Variants in IL34 observed in about 807,000 individuals in gnomAD.
IL34 encodes interleukin-34.
IL34 carries 17 observed loss-of-function variants against 25.3 expected under a neutral mutation model. The observed-to-expected ratio is 0.67, with a 90% CI of 0.46 to 1.01. The LOEUF (loss-of-function observed/expected upper bound fraction) is 1.01, where lower values mean the gene tolerates loss of function less well. IL34 is among the 50% of genes least tolerant of loss of function. The probability of loss-of-function intolerance (pLI) is 0.00; values close to 1 mark genes in which losing one functional copy is unlikely to be tolerated. For synonymous variants in IL34, 174 were observed against 140.9 expected, an observed-to-expected ratio of 1.23 and a Z score of -1.66; for missense variants, 368 against 312.9, an observed-to-expected ratio of 1.18 and a Z score of -1.33.
In IL34 at chr16:70,660,359, G is replaced by A. The variant is rs2052375540; in HGVS notation, c.*172G>A. The A allele has an allele frequency of 1.5e-5, 9 of 592,022 alleles. No individual in the cohort carries two copies. Among genetic ancestry groups the A allele is most frequent in the East Asian group, 3.0e-5 (1 of 32,816 alleles). The allele number at this position is 592,022 out of a possible 1,614,324, so 36.7% of individuals were successfully genotyped here. On this transcript the variant is annotated 3_prime_UTR_variant, in exon 6 of 6. Coordinates refer to ENST00000288098, the MANE Select transcript of IL34 (RefSeq NM_001393494.1). ...GTGCCACAGCAGGGCTCAGCTTCCT[G>A]CCTTCCATAGCTGTCATGGCCTCAC... is the stretch of plus-strand genomic sequence containing the variant.
Position 70,635,288 on chromosome 16 carries a change from T to C in IL34, c.-400-11260T>C, listed in dbSNP as rs1265142735. 2.6e-5 allele frequency among the ~76,000 whole-genome samples: 4 copies of C among 152,240 alleles called. No individual in the cohort carries two copies. In the South Asian group the frequency reaches 6.2e-4, roughly 24 times the overall value. On this transcript the variant is annotated intron_variant, in intron 1 of 6. Transcript: ENST00000429149. Reference sequence around the variant, plus strand: ...GGCGACAGATATTTTCTTTGCTCCATAGAGGGGATAACCCCTCTGCAGAGG... The same window carrying C: ...GGCGACAGATATTTTCTTTGCTCCACAGAGGGGATAACCCCTCTGCAGAGG...
intron 1 of IL34, among the ~76,000 whole-genome samples, chr16:70,628,938 C>T (rs992826464): frequency 1.3e-5 from 2 of 151,978 alleles, no homozygotes; most frequent in Non-Finnish European, 2.9e-5. Context: ...CAAGCATGTA[C>T]CATTGTGTCC....
At chr16:70,656,487 C>A in intron 2 of IL34, 115 bp from the exon 3 acceptor site, 1 of 751,704 alleles carries the variant, frequency 1.3e-6, no homozygotes, top group South Asian at 1.5e-5. Context: ...CCCCTGCACT[C>A]CATACTGGGT....
intron 1 of IL34, among the ~76,000 whole-genome samples, chr16:70,600,368 T>C (rs969285918): frequency 3.3e-5 from 5 of 152,146 alleles, no homozygotes; most frequent in Admixed American, 1.3e-4. Context: ...GCCTTGAAGA[T>C]CATCAACTAC....
chr16:70,625,360 T>G (rs1281078350), intron 1 of IL34, among the ~76,000 whole-genome samples: 2 of 151,890 alleles, frequency 1.3e-5, no homozygotes, highest in Non-Finnish European at 2.9e-5. Flanking sequence ...AAATAAGGGA[T>G]TGGGGCACAG....
chr16:70,590,722 C>T (rs2050744033), intron 1 of IL34, among the ~76,000 whole-genome samples: 1 of 152,162 alleles, frequency 6.6e-6, no homozygotes, highest in African/African-American at 2.4e-5. Flanking sequence ...GTTAAGTCAC[C>T]TGCCCAAGGT....
At chr16:70,593,018 G>T (rs1241585348) in intron 1 of IL34, among the ~76,000 whole-genome samples, 1 of 151,964 alleles carries the variant, frequency 6.6e-6, no homozygotes. Flanking sequence ...ATAGAGACGG[G>T]GTTTCACCAT....
upstream of IL34, among the ~76,000 whole-genome samples, chr16:70,644,367 G>A (rs911478521): frequency 6.6e-6 from 1 of 152,096 alleles, no homozygotes. Flanking sequence ...CACCCAGCCA[G>A]ATTGACAATT....
intron 1 of IL34, among the ~76,000 whole-genome samples, chr16:70,649,924 G>A (rs962692380): frequency 6.6e-6 from 1 of 152,034 alleles, no homozygotes; most frequent in Non-Finnish European, 1.5e-5. Context: ...TCAGCCTCCC[G>A]AGTAGCTGGG....
intron 1 of IL34, among the ~76,000 whole-genome samples, chr16:70,585,631 G>A (rs1364848488): frequency 6.6e-6 from 1 of 151,680 alleles, no homozygotes; most frequent in African/African-American, 2.4e-5. Context: ...GTTGCAGTGA[G>A]CTGAGATTGT....
chr16:70,616,784 C>G (rs2051179413), intron 1 of IL34, among the ~76,000 whole-genome samples: 1 of 152,100 alleles, frequency 6.6e-6, no homozygotes, highest in Admixed American at 6.5e-5. Flanking sequence ...GAACAAATCA[C>G]AATGGTGGAA....
upstream of IL34, among the ~76,000 whole-genome samples, chr16:70,643,020 C>G (rs752794013): frequency 6.6e-6 from 1 of 152,018 alleles, no homozygotes. Flanking sequence ...CAACTTAGTA[C>G]ACTAAAAACC....
intron 1 of IL34, among the ~76,000 whole-genome samples, chr16:70,631,566 A>G (rs147466048): frequency 5.9e-5 from 9 of 152,322 alleles, no homozygotes; most frequent in Non-Finnish European, 8.8e-5. Context: ...GGATGTCCCA[A>G]TGACCTTTTA....
At chr16:70,599,769 G>A (rs1402150245) in intron 1 of IL34, among the ~76,000 whole-genome samples, 2 of 151,496 alleles carry the variant, frequency 1.3e-5, no homozygotes, top group African/African-American at 4.9e-5. Context: ...CGACCTCCTG[G>A]CCCCAAGCAA....
At chr16:70,626,544 G>C (rs576302235) in intron 1 of IL34, among the ~76,000 whole-genome samples, 1 of 152,188 alleles carries the variant, frequency 6.6e-6, no homozygotes, top group East Asian at 1.9e-4. Flanking sequence ...TTACAGGCAT[G>C]CGCCACCACG....
chr16:70,593,056 G>A (rs536841638), intron 1 of IL34, among the ~76,000 whole-genome samples: 49 of 152,164 alleles, frequency 3.2e-4, no homozygotes, highest in Non-Finnish European at 6.8e-4. Flanking sequence ...CGAACTGCTG[G>A]CCTCAGGCGA....
chr16:70,642,354 G>T (rs1396910911), upstream of IL34, among the ~76,000 whole-genome samples: 1 of 146,858 alleles, frequency 6.8e-6, no homozygotes, highest in East Asian at 2.0e-4. Context: ...CTGGAGTGCA[G>T]TGGCATGATC....
intron 1 of IL34, among the ~76,000 whole-genome samples, chr16:70,632,921 G>GTATAAA (rs2051551693): frequency 6.6e-6 from 1 of 152,104 alleles, no homozygotes; most frequent in Non-Finnish European, 1.5e-5. Context: ...TGTTAAAATT[G>GTATAAA]GAGTATAACT....
intron 1 of IL34, among the ~76,000 whole-genome samples, chr16:70,621,590 T>G (rs2051283302): frequency 6.6e-6 from 1 of 152,080 alleles, no homozygotes; most frequent in Non-Finnish European, 1.5e-5. Flanking sequence ...GGTCCCCCGA[T>G]CCGAGTCATG....
Sources: gnomAD v4.1 joint callset for allele counts (sites outside exome capture counted in the v4.1 genomes callset) on GRCh38, gnomAD v4.1.1 for gene constraint, MANE v1.5 for transcripts, NCBI Gene and HGNC (gene_info 2026-07-23, HGNC 2026-07-21) for gene names.